Variants in GRIK3 observed in about 807,000 individuals in gnomAD.
GRIK3 encodes the protein glutamate receptor ionotropic, kainate 3.
A neutral mutation model predicts 102.5 loss-of-function variants in GRIK3; 29 were observed. The observed-to-expected ratio is 0.28, with a 90% confidence interval of 0.21 to 0.39. The LOEUF is 0.39. Among genes scored for constraint, GRIK3 ranks in the 10% least tolerant of loss-of-function variants. The pLI, the probability that GRIK3 is intolerant of heterozygous loss-of-function variation, is 1.00. For missense variants in GRIK3, 908 were observed against 1,252.4 expected, an observed-to-expected ratio of 0.73 and a Z score of 4.15; for synonymous variants, 511 against 504.9, an observed-to-expected ratio of 1.01 and a Z score of -0.16.
intron 8 of GRIK3, among the ~76,000 whole-genome samples, chr1:36,852,076 A>G (rs113248682): frequency 0.01 from 1,562 of 152,318 alleles, 14 homozygotes; most frequent in Non-Finnish European, 0.016. Context: ...AAGCTGGAAG[A>G]TCGCTTGATG....
intron 1 of GRIK3, among the ~76,000 whole-genome samples, chr1:36,952,741 C>A (rs568163986): frequency 2.0e-5 from 3 of 152,170 alleles, no homozygotes; most frequent in Non-Finnish European, 4.4e-5. Flanking sequence ...ATGACTATTC[C>A]ATTGTGATAA....
chr1:36,859,777 A>G, intron 6 of GRIK3, 67 bp downstream of exon 6: 1 of 1,222,794 alleles, frequency 8.2e-7, no homozygotes, highest in Non-Finnish European at 1.2e-6. Context: ...AAACAAGAGG[A>G]AGGAGAGAAG....
intron 5 of GRIK3, 74 bp downstream of exon 5, chr1:36,869,674 C>A: frequency 2.6e-6 from 3 of 1,174,786 alleles, no homozygotes; most frequent in Non-Finnish European, 3.8e-6. Flanking sequence ...TGGGCTGGCC[C>A]AGGCTAAGCC....
chr1:36,861,366 C>T (rs533236513), intron 5 of GRIK3, among the ~76,000 whole-genome samples: 1 of 152,332 alleles, frequency 6.6e-6, no homozygotes, highest in East Asian at 1.9e-4. Flanking sequence ...CTCTCCCACA[C>T]TCTCCCCTCA....
chr1:37,001,913 G>A (rs899791514), intron 1 of GRIK3, among the ~76,000 whole-genome samples: 3 of 152,182 alleles, frequency 2.0e-5, no homozygotes, highest in African/African-American at 7.2e-5. Context: ...ATGTGGAACT[G>A]CCTCAGAGGC....
intron 1 of GRIK3, among the ~76,000 whole-genome samples, chr1:36,940,149 C>T (rs144347035): frequency 0.011 from 1,685 of 152,336 alleles, 15 homozygotes; most frequent in African/African-American, 0.027. Context: ...GATACTGTGA[C>T]GCTCAGCATC....
At chr1:36,832,986 T>G (rs56327471) in intron 10 of GRIK3, among the ~76,000 whole-genome samples, 18,692 of 152,078 alleles carry the variant, frequency 0.12, 1,242 homozygotes, top group Non-Finnish European at 0.15. Context: ...ACTATGAAAT[T>G]TTTATTTGTA....
intron 1 of GRIK3, among the ~76,000 whole-genome samples, chr1:36,912,039 C>T (rs1479046850): frequency 1.1e-4 from 16 of 152,144 alleles, no homozygotes; most frequent in Non-Finnish European, 4.4e-5. Context: ...CTCTCTTCAG[C>T]GTCCACTCTT....
At chr1:36,859,683 T>C (rs1477957269) in intron 6 of GRIK3, among the ~76,000 whole-genome samples, 161 bp downstream of exon 6, 1 of 152,198 alleles carries the variant, frequency 6.6e-6, no homozygotes, top group Non-Finnish European at 1.5e-5. Flanking sequence ...ACTGTCTGTT[T>C]CACGTTTGTG....
chr1:36,972,057 G>C (rs539139067), intron 1 of GRIK3, among the ~76,000 whole-genome samples: 3 of 152,218 alleles, frequency 2.0e-5, no homozygotes, highest in East Asian at 1.9e-4. Context: ...CCAGGCAGGA[G>C]GGGGCTTGAG....
chr1:36,968,619 A>G (rs1642105735), intron 1 of GRIK3, among the ~76,000 whole-genome samples: 1 of 152,214 alleles, frequency 6.6e-6, no homozygotes, highest in African/African-American at 2.4e-5. Context: ...CACTGGTCAC[A>G]GCACAGGAAC....
chr1:36,927,158 G>C (rs573842822), intron 1 of GRIK3, among the ~76,000 whole-genome samples: 2 of 152,214 alleles, frequency 1.3e-5, no homozygotes, highest in Admixed American at 6.5e-5. Context: ...GGCTCCAGGG[G>C]AGACAGAGAC....
At chr1:36,827,225 C>A (rs1288188463) in intron 10 of GRIK3, among the ~76,000 whole-genome samples, 1 of 152,194 alleles carries the variant, frequency 6.6e-6, no homozygotes, top group African/African-American at 2.4e-5. Context: ...GGGGCGGAGT[C>A]TCTGCTTCTT....
rs1241292317 is a variant in GRIK3 at position 36,859,251 on chromosome 1, T to C, written c.961A>G (p.Thr321Ala). 1 of 1,604,440 alleles carries C rather than the reference T, an allele frequency of 6.2e-7. No individual in the cohort carries two copies. Among genetic ancestry groups the C allele is most frequent in the African/African-American group, 1.3e-5 (1 of 74,722 alleles). ...GCGTCGTACAGTAAGGCTGCATCAG[T>C]CTGCAGGGAAGGGCCTGCCTGAGAG... ...ESGLLDGVMM[T>A]DAALLYDAVH... Residue 321 changes from threonine (T) to alanine (A), a missense_variant and splice_region_variant, in exon 7 of 16, where the codon ACT (threonine) becomes GCT (alanine). By Grantham distance (58) the Thr-to-Ala change is moderately conservative. Around this residue, in one of 3 missense-constraint regions of GRIK3, gnomAD observed 585 missense variants for 824.9 expected, o/e 0.71. Coordinates refer to ENST00000373091, the MANE Select transcript of GRIK3 (RefSeq NM_000831.4).
intron 2 of GRIK3, among the ~76,000 whole-genome samples, chr1:36,885,078 G>T (rs1179167728): frequency 6.6e-6 from 1 of 152,246 alleles, no homozygotes; most frequent in African/African-American, 2.4e-5. Flanking sequence ...ATATTGTGAG[G>T]CTGCCAATGA....
chr1:36,833,469 C>T (rs1225742255), intron 10 of GRIK3, among the ~76,000 whole-genome samples: 7 of 152,208 alleles, frequency 4.6e-5, no homozygotes, highest in East Asian at 1.9e-4. Flanking sequence ...CCTGGCTGGT[C>T]GGGGGAGGGC....
intron 1 of GRIK3, among the ~76,000 whole-genome samples, chr1:36,897,067 T>A (rs1186961482): frequency 6.6e-6 from 1 of 152,156 alleles, no homozygotes; most frequent in African/African-American, 2.4e-5. Context: ...GACTGAAAGC[T>A]TTTCCTCTAA....
intron 1 of GRIK3, among the ~76,000 whole-genome samples, chr1:36,974,949 C>A (rs1642180309): frequency 6.6e-6 from 1 of 152,002 alleles, no homozygotes; most frequent in South Asian, 2.1e-4. Context: ...GAATAGGCAC[C>A]TTTATAGAGA....
intron 1 of GRIK3, among the ~76,000 whole-genome samples, chr1:36,986,075 G>C (rs1642301135): frequency 6.6e-6 from 1 of 152,062 alleles, no homozygotes; most frequent in Non-Finnish European, 1.5e-5. Flanking sequence ...CAAGAAGAAG[G>C]GACCCCACCC....
Sources: allele counts gnomAD v4.1 joint callset (sites outside exome capture counted in the v4.1 genomes callset), GRCh38; gene constraint gnomAD v4.1.1; regional missense constraint gnomAD v4.1.1; transcripts MANE v1.5; gene names NCBI Gene and HGNC (gene_info 2026-07-23, HGNC 2026-07-21).